The following PREX1 variants were observed in gnomAD, a reference collection of about 807,000 sequenced individuals.
PREX1 encodes the protein phosphatidylinositol-3,4,5-trisphosphate dependent Rac exchange factor 1.
Under a neutral mutation model 198.3 loss-of-function variants are expected in PREX1, and 41 were observed. That is an observed-to-expected ratio of 0.21 (90% confidence interval 0.16 to 0.27). The LOEUF (loss-of-function observed/expected upper bound fraction) is 0.27. Ranked by LOEUF, PREX1 falls within the 10% of genes least tolerant of loss-of-function variation. The pLI is 1.00. For synonymous variants in PREX1, 843 were observed against 887.2 expected, an observed-to-expected ratio of 0.95 and a Z score of 0.89; for missense variants, 1,620 against 2,200.7, an observed-to-expected ratio of 0.74 and a Z score of 5.28.
At chr20:48,854,173 G>C in the PREX1 span, among the ~76,000 whole-genome samples, 5 of 152,188 alleles carry the variant, frequency 3.3e-5, no homozygotes, top group Non-Finnish European at 5.9e-5. Flanking sequence ...GAGCTGGTGT[G>C]AGTGTAGTGG....
chr20:48,692,531 G>A (rs1216229674), intron 8 of PREX1, 141 bp downstream of exon 8: 2 of 620,736 alleles, frequency 3.2e-6, no homozygotes, highest in African/African-American at 3.7e-5. Context: ...TTCGCTTCAT[G>A]CATCTATGCT....
At chr20:48,798,367 C>T (rs2090372077) in intron 1 of PREX1, among the ~76,000 whole-genome samples, 1 of 152,212 alleles carries the variant, frequency 6.6e-6, no homozygotes, top group African/African-American at 2.4e-5. Context: ...GGTCCAGCCT[C>T]CATACCCACA....
chr20:48,672,158 G>A (rs2089679736), intron 14 of PREX1, among the ~76,000 whole-genome samples: 1 of 152,182 alleles, frequency 6.6e-6, no homozygotes, highest in Non-Finnish European at 1.5e-5. Context: ...TCTAAATGCT[G>A]GAGTGTTCCA....
At chr20:48,747,675 G>T in intron 2 of PREX1, 134 bp downstream of exon 2, 2 of 980,800 alleles carry the variant, frequency 2.0e-6, no homozygotes, top group Non-Finnish European at 3.0e-6. Context: ...CTGGGGCAGG[G>T]CAAAGCTGGC....
intron 1 of PREX1, among the ~76,000 whole-genome samples, chr20:48,792,080 T>C (rs1425828142): frequency 2.6e-5 from 4 of 152,154 alleles, no homozygotes; most frequent in Admixed American, 6.5e-5. Flanking sequence ...AGCTTCCCCA[T>C]AGGACTGGTG....
At chr20:48,646,866 G>A (rs748538192) in intron 25 of PREX1, among the ~76,000 whole-genome samples, 2 of 152,082 alleles carry the variant, frequency 1.3e-5, no homozygotes, top group Non-Finnish European at 1.5e-5. Flanking sequence ...TTAAACTCTC[G>A]GAGACTCTGT....
chr20:48,642,635 C>T, intron 27 of PREX1, 146 bp from the exon 28 acceptor site: 2 of 691,950 alleles, frequency 2.9e-6, no homozygotes, highest in Middle Eastern at 2.5e-4. Context: ...GGCTGTGAGC[C>T]ACAGGGCAAA....
At chr20:48,723,487 C>T (rs1309469222) in intron 5 of PREX1, among the ~76,000 whole-genome samples, 1 of 152,194 alleles carries the variant, frequency 6.6e-6, no homozygotes, top group East Asian at 1.9e-4. Context: ...AGGCGGGGAG[C>T]AAGGCATGGC....
chr20:48,654,844 T>C (rs2089530276), intron 19 of PREX1, among the ~76,000 whole-genome samples: 2 of 152,216 alleles, frequency 1.3e-5, no homozygotes, highest in African/African-American at 4.8e-5. Context: ...ACACAAGGAA[T>C]AGGCAATGCA....
At chr20:48,661,470 C>CAA (rs2089594188) in intron 15 of PREX1, among the ~76,000 whole-genome samples, 1 of 71,438 alleles carries the variant, frequency 1.4e-5, no homozygotes, top group Non-Finnish European at 2.3e-5. Context: ...TATATATATA[C>CAA]ACACACATAT....
chr20:48,826,418 A>G (rs1271810303), intron 1 of PREX1, among the ~76,000 whole-genome samples: 1 of 152,142 alleles, frequency 6.6e-6, no homozygotes, highest in African/African-American at 2.4e-5. Flanking sequence ...ACAGAAAAAA[A>G]GCAAAAGAAA....
At chr20:48,788,413 G>A (rs938696774) in intron 1 of PREX1, among the ~76,000 whole-genome samples, 1 of 152,108 alleles carries the variant, frequency 6.6e-6, no homozygotes, top group Non-Finnish European at 1.5e-5. Flanking sequence ...CTGGCCCTGA[G>A]GATGATGGCA....
intron 6 of PREX1, among the ~76,000 whole-genome samples, chr20:48,702,207 A>G (rs1216842392): frequency 2.2e-5 from 1 of 46,476 alleles, no homozygotes; most frequent in Non-Finnish European, 4.0e-5. Context: ...GACTCTGTCT[A>G]AAAAAAAAAA....
At chr20:48,637,632 C>T in intron 31 of PREX1, 79 bp downstream of exon 31, 1 of 1,394,454 alleles carries the variant, frequency 7.2e-7, no homozygotes, top group Non-Finnish European at 9.7e-7. Flanking sequence ...CCCGTCCAGG[C>T]CCCGAGGGCA....
intron 3 of PREX1, among the ~76,000 whole-genome samples, chr20:48,735,813 C>G (rs1469972384): frequency 1.3e-5 from 2 of 152,138 alleles, no homozygotes; most frequent in Non-Finnish European, 2.9e-5. Flanking sequence ...CTCAAACCCC[C>G]TTAACCCCAG....
chr20:48,792,989 G>A (rs893580486), intron 1 of PREX1, among the ~76,000 whole-genome samples: 5 of 152,066 alleles, frequency 3.3e-5, no homozygotes, highest in Non-Finnish European at 5.9e-5. Flanking sequence ...TGGATCACTT[G>A]AGGTCAGGAG....
At chr20:48,637,688 CCA>C in intron 31 of PREX1, 21 bp downstream of exon 31, 1 of 1,600,612 alleles carries the variant, frequency 6.2e-7, no homozygotes, top group South Asian at 1.1e-5. Context: ...TATGTGCCCC[CCA>C]CACACCTTTA....
chr20:48,804,325 A>G (rs2090400745), intron 1 of PREX1, among the ~76,000 whole-genome samples: 1 of 152,114 alleles, frequency 6.6e-6, no homozygotes, highest in Non-Finnish European at 1.5e-5. Context: ...AATCAAATAC[A>G]AGTGCCACGG....
At position 48,827,641 on chromosome 20, in the gene PREX1, C is replaced by A; in HGVS notation, c.219+1G>T. 1 of 1,307,964 alleles carries A rather than the reference C, an allele frequency of 7.6e-7. No homozygotes were observed. Among genetic ancestry groups the A allele is most frequent in the Non-Finnish European group, 9.8e-7 (1 of 1,016,340 alleles). 81.0% of individuals were successfully genotyped at this position (1,307,964 alleles called of 1,614,324 possible). On this transcript the variant is annotated splice_donor_variant, in intron 1 of 39. Coordinates refer to ENST00000371941, the MANE Select transcript of PREX1 (RefSeq NM_020820.4). LOFTEE classifies it high-confidence loss of function. This position sits in a 1 kb window ranked among gnomAD's most constrained non-coding sequence, Gnocchi z 4.1. ...TCCCCAAGCTCCCGAGCGACACTCA[C>A]CGACTGCAAGAAGCGCAAGGTGCCC...
Sources: gnomAD v4.1 joint callset for allele counts (sites outside exome capture counted in the v4.1 genomes callset) on GRCh38, gnomAD v4.1.1 for gene constraint, Gnocchi (gnomAD v3.1) non-coding constraint, MANE v1.5 for transcripts, NCBI Gene and HGNC (gene_info 2026-07-23, HGNC 2026-07-21) for gene names.